MYO1F: variants seen among roughly 807,000 people sequenced by gnomAD.
The protein encoded by MYO1F is unconventional myosin-If.
Under a neutral mutation model 146.6 loss-of-function variants are expected in MYO1F, and 60 were observed. That is an observed-to-expected ratio of 0.41 (90% confidence interval 0.33 to 0.51). The LOEUF is 0.51. Ranked by LOEUF, MYO1F falls within the 20% of genes least tolerant of loss-of-function variation. MYO1F has a pLI of 0.25. For missense variants in MYO1F, 1,274 were observed against 1,534.3 expected (o/e 0.83, Z 2.83); for synonymous variants, 602 against 602.1 (o/e 1.00, Z 0.00).
Position 8,536,886 on chromosome 19 carries a change from C to G in MYO1F, c.1799+63G>C, listed in dbSNP as rs75679944. 13,960 of 1,242,840 alleles carry G rather than the reference C, an allele frequency of 0.011. 186 individuals are homozygous for G. The highest frequency in any genetic ancestry group is 0.065 in the African/African-American group (3,828 of 58,794). 77.0% of individuals were successfully genotyped at this position (1,242,840 alleles called of 1,614,324 possible). On this transcript the variant is annotated intron_variant, in intron 17 of 27. Transcript: ENST00000644032. ...CAGGAGGTCAGGGAGGTGTCTCGGT[C>G]AGTTCTAGGGGTAACTGCAGGGCCT...
In MYO1F at chr19:8,530,426, C is replaced by T. The variant is rs778731414; in HGVS notation, c.2158+33G>A. ...TACAGCTCCTCCAGGTCCTTGTGCC[C>T]CCACCCCGCGCCGTTTACCCGAAGC... On this transcript the variant is annotated intron_variant, in intron 20 of 27. Coordinates refer to ENST00000644032, the MANE Select transcript of MYO1F (RefSeq NM_012335.4). The surrounding 1 kb of genome is among the most constrained non-coding windows in gnomAD (Gnocchi z 5.8). 1.9e-6 allele frequency: 3 copies of T among 1,613,670 alleles called. No homozygotes were observed. The highest frequency in any genetic ancestry group is 2.2e-5 in the South Asian group (2 of 91,082).
intron 1 of MYO1F, among the ~76,000 whole-genome samples, chr19:8,575,688 T>C (rs1231402090): frequency 6.6e-6 from 1 of 152,024 alleles, no homozygotes; most frequent in Non-Finnish European, 1.5e-5. Context: ...TCCAGGAAGA[T>C]TTCAGCATCC....
At position 8,577,156 on chromosome 19, in the gene MYO1F, A is replaced by G. The variant is rs1208428252; in HGVS notation, c.3+151T>C. On this transcript the variant is annotated intron_variant, in intron 1 of 27. Coordinates refer to ENST00000644032, the MANE Select transcript of MYO1F (RefSeq NM_012335.4). The surrounding 1 kb of genome is among the most constrained non-coding windows in gnomAD (Gnocchi z 4.3). ...CTCCCTGGTAAGGGATGCTGGAGGC[A>G]CCTGAGCTGCACTGAGAGACACCCC... is the stretch of plus-strand genomic sequence containing the variant. The G allele has an allele frequency of 1.1e-6, 1 of 898,878 alleles. No homozygotes were observed. The highest frequency in any genetic ancestry group is 1.8e-6 in the Non-Finnish European group (1 of 558,528). 55.7% of individuals were successfully genotyped at this position (898,878 alleles called of 1,614,324 possible). A position where few individuals can be genotyped will look rare whatever the true frequency, so the allele number is the denominator to read the frequency against.
chr19:8,553,481 G>A, intron 4 of MYO1F, 44 bp from the exon 5 acceptor site: 1 of 1,536,018 alleles, frequency 6.5e-7, no homozygotes, highest in Admixed American at 1.7e-5. Flanking sequence ...TTGGGGAAGA[G>A]CCCTTTTTAG....
chr19:8,541,788 C>T, intron 15 of MYO1F, 118 bp downstream of exon 15: 2 of 938,188 alleles, frequency 2.1e-6, no homozygotes, highest in Non-Finnish European at 3.4e-6. Flanking sequence ...GCCGCACAGC[C>T]ACTCCCCTCG....
chr19:8,574,449 A>G lies in MYO1F; in HGVS notation c.3+2858T>C, dbSNP rs551037962. ...ATTTTTGGCACCAGAGACCGGTTTA[A>G]TGGAAGACAATTTTTCCATGGACCA... On this transcript the variant is annotated intron_variant, in intron 1 of 27. Transcript: ENST00000644032. 1.5e-4 allele frequency among the ~76,000 whole-genome samples: 23 copies of G among 152,212 alleles called. 1 individual carries two copies. The highest frequency in any genetic ancestry group is 1.2e-4 in the Non-Finnish European group (8 of 68,044).
chr19:8,522,917 G>A, intron 25 of MYO1F, 88 bp from the exon 26 acceptor site: 1 of 1,198,558 alleles, frequency 8.3e-7, no homozygotes, highest in Non-Finnish European at 1.2e-6. Flanking sequence ...CAGGCTGAGG[G>A]AGGAGACTGC....
intron 10 of MYO1F, among the ~76,000 whole-genome samples, chr19:8,549,108 G>A (rs560753613): frequency 7.9e-5 from 12 of 151,382 alleles, no homozygotes; most frequent in South Asian, 4.2e-4. Flanking sequence ...GCGCCACCAC[G>A]CCCGGCTAAT....
chr19:8,548,115 C>T lies in MYO1F; in HGVS notation c.1190G>A (p.Gly397Asp), dbSNP rs770889579. The stretch of plus-strand genomic sequence containing the variant: ...GAAGTTGATGCAAAACTGCTCGAAG[C>T]CATTTTTCTGCAGAAGGAGGAAAAG... ...IYGFEIFQKN[G>D]FEQFCINFVN... Residue 397 changes from glycine to aspartate, a missense_variant, in exon 12 of 28, where the codon GGC becomes GAC. By Grantham distance (94) the Gly-to-Asp change is moderately conservative. Transcript: ENST00000644032. 1.9e-6 allele frequency: 3 copies of T among 1,613,878 alleles called. No homozygotes were observed. The highest frequency in any genetic ancestry group is 2.5e-6 in the Non-Finnish European group (3 of 1,179,978).
At chr19:8,543,912 G>C (rs530207776) in intron 14 of MYO1F, among the ~76,000 whole-genome samples, 5 of 110,420 alleles carry the variant, frequency 4.5e-5, no homozygotes, top group African/African-American at 8.9e-5. Context: ...GGTGGTGGTG[G>C]TGGTGGTGGT....
intron 1 of MYO1F, among the ~76,000 whole-genome samples, chr19:8,567,183 C>T (rs2145972461): frequency 6.6e-6 from 1 of 151,360 alleles, no homozygotes; most frequent in Non-Finnish European, 1.5e-5. Context: ...TTCTCTGCCT[C>T]ATCCTCTCGA....
chr19:8,557,895 C>T (rs1399157710), intron 1 of MYO1F, among the ~76,000 whole-genome samples: 2 of 152,170 alleles, frequency 1.3e-5, no homozygotes, highest in African/African-American at 4.8e-5. Context: ...CCCCTTCCTT[C>T]TCCCTCCTAC....
intron 19 of MYO1F, among the ~76,000 whole-genome samples, chr19:8,531,006 T>G (rs560055375): frequency 1.3e-5 from 2 of 151,756 alleles, no homozygotes; most frequent in South Asian, 4.2e-4. Flanking sequence ...ATCGCGCCAT[T>G]GCACTCCAGC....
chr19:8,557,476 A>G (rs1973909181), intron 1 of MYO1F, among the ~76,000 whole-genome samples: 1 of 151,842 alleles, frequency 6.6e-6, no homozygotes, highest in South Asian at 2.1e-4. Context: ...TAATTTTTGT[A>G]TTTTTTTGTA....
chr19:8,532,602 A>G (rs1192507452), intron 19 of MYO1F, among the ~76,000 whole-genome samples: 1 of 152,072 alleles, frequency 6.6e-6, no homozygotes, highest in Non-Finnish European at 1.5e-5. Context: ...TAATGCAAAT[A>G]TAGGCTGGGT....
intron 16 of MYO1F, 91 bp downstream of exon 16, chr19:8,539,856 G>T (rs78543795): frequency 1.7e-6 from 2 of 1,146,094 alleles, no homozygotes; most frequent in Non-Finnish European, 2.6e-6. Flanking sequence ...ACAGACAGAC[G>T]TTGGAATGAG....
chr19:8,550,046 C>T lies in MYO1F; in HGVS notation c.1101+114G>A, dbSNP rs369963846. The T allele has an allele frequency of 8.0e-6, 10 of 1,252,818 alleles. No individual in the cohort carries two copies. In the South Asian group the frequency reaches 1.3e-4, roughly 16 times the overall value. The allele number at this position is 1,252,818 out of a possible 1,614,324, so 77.6% of individuals were successfully genotyped here. ...AACTTCTGGCCTCAAAGAATGCTCC[C>T]AACTCAGCCACCCAAAGCATTGGGA... On this transcript the variant is annotated intron_variant, in intron 10 of 27. Coordinates refer to ENST00000644032, the MANE Select transcript of MYO1F (RefSeq NM_012335.4).
chr19:8,544,227 T>TG, intron 14 of MYO1F, 70 bp downstream of exon 14: 1 of 1,437,540 alleles, frequency 7.0e-7, no homozygotes, highest in South Asian at 1.2e-5. Context: ...TGCTGGAGGG[T>TG]GGGGGCTACA....
At chr19:8,562,445 C>G (rs921054630) in intron 1 of MYO1F, among the ~76,000 whole-genome samples, 15 of 151,682 alleles carry the variant, frequency 9.9e-5, no homozygotes, top group Admixed American at 3.3e-4. Context: ...GTAGCTGGGC[C>G]TATGGGTGGA....
Sources: gnomAD v4.1 joint callset for allele counts (sites outside exome capture counted in the v4.1 genomes callset) on GRCh38, gnomAD v4.1.1 for gene constraint, Gnocchi (gnomAD v3.1) non-coding constraint, MANE v1.5 for transcripts, NCBI Gene and HGNC (gene_info 2026-07-23, HGNC 2026-07-21) for gene names.